ARHGAP42: variants seen among roughly 807,000 people sequenced by gnomAD.
ARHGAP42 encodes Rho GTPase activating protein 42.
Under a neutral mutation model 125.0 loss-of-function variants are expected in ARHGAP42, and 63 were observed. That is an observed-to-expected ratio of 0.50 (90% CI 0.41 to 0.62). ARHGAP42 has a LOEUF of 0.62. ARHGAP42 is among the 20% of genes least tolerant of loss of function. ARHGAP42 has a pLI of 0.00. For synonymous variants in ARHGAP42, 339 were observed against 351.0 expected (o/e 0.97, Z 0.38); for missense variants, 766 against 1,024.2 (o/e 0.75, Z 3.44).
intron 1 of ARHGAP42, among the ~76,000 whole-genome samples, chr11:100,764,025 C>CTT (rs772607133): frequency 0.04 from 4,096 of 101,436 alleles, 154 homozygotes; most frequent in African/African-American, 0.098. Flanking sequence ...TCTTCTTCTT[C>CTT]TTTTTTTTTT....
intron 22 of ARHGAP42, among the ~76,000 whole-genome samples, chr11:100,982,033 C>A (rs569748844): frequency 6.6e-6 from 1 of 152,242 alleles, no homozygotes; most frequent in Non-Finnish European, 1.5e-5. Flanking sequence ...TAAGAAACTT[C>A]TACATAGCAA....
At chr11:100,784,365 A>G (rs1426578350) in intron 2 of ARHGAP42, among the ~76,000 whole-genome samples, 4 of 152,180 alleles carry the variant, frequency 2.6e-5, no homozygotes, top group Non-Finnish European at 5.9e-5. Context: ...GGTGCCCTCT[A>G]GGAGTTTTAT....
chr11:100,980,605 T>G (rs914855535), intron 22 of ARHGAP42, among the ~76,000 whole-genome samples: 1 of 126,428 alleles, frequency 7.9e-6, no homozygotes, highest in African/African-American at 3.0e-5. Context: ...AGAGCCTCGC[T>G]CTGTCACCAG....
rs1435118099 is a variant in ARHGAP42 at position 100,933,250 on chromosome 11, A to C, written c.692A>C (p.Asn231Thr). 6.5e-7 allele frequency: 1 copy of C among 1,548,340 alleles called. No homozygotes were observed. The highest frequency in any genetic ancestry group is 2.4e-5 in the East Asian group (1 of 40,836). The change falls in exon 7 of 24, where the codon AAC (asparagine) becomes ACC (threonine). Residue 231 changes from asparagine to threonine, a missense_variant. Transcript: ENST00000298815. ...CCGTATAAGCAACAGCTGCAGTTCA[A>C]CTTGCAGAATGTAAGAGTATACCTG... ...FAPYKQQLQF[N>T]LQNTRNNFES...
intron 3 of ARHGAP42, among the ~76,000 whole-genome samples, chr11:100,811,081 C>T (rs191827201): frequency 1.3e-5 from 2 of 152,088 alleles, no homozygotes; most frequent in East Asian, 3.9e-4. Context: ...TCAGCCTCTT[C>T]AGTAGCTGGC....
At chr11:100,786,999 T>C (rs600906) in intron 2 of ARHGAP42, among the ~76,000 whole-genome samples, 76,265 of 151,828 alleles carry the variant, frequency 0.5, 19,988 homozygotes, top group South Asian at 0.63. Context: ...GCAGTTTCGC[T>C]GGGTGTGGTG....
At chr11:100,820,361 A>T (rs1224555004) in intron 3 of ARHGAP42, among the ~76,000 whole-genome samples, 1 of 152,126 alleles carries the variant, frequency 6.6e-6, no homozygotes, top group Non-Finnish European at 1.5e-5. Context: ...CCTATTTGCC[A>T]AATGATGTCA....
intron 3 of ARHGAP42, among the ~76,000 whole-genome samples, chr11:100,845,250 T>TG (rs1474095423): frequency 2.1e-4 from 32 of 152,140 alleles, no homozygotes; most frequent in Non-Finnish European, 3.5e-4. Flanking sequence ...AACCCAGGAA[T>TG]GGAAAATCAA....
intron 1 of ARHGAP42, among the ~76,000 whole-genome samples, chr11:100,699,966 T>C (rs74355723): frequency 0.084 from 12,850 of 152,208 alleles, 596 homozygotes; most frequent in Non-Finnish European, 0.097. Context: ...TCTTGGCTTG[T>C]AGATGTATCA....
intron 17 of ARHGAP42, among the ~76,000 whole-genome samples, chr11:100,967,382 T>C (rs927218576): frequency 6.6e-6 from 1 of 152,224 alleles, no homozygotes; most frequent in African/African-American, 2.4e-5. Context: ...GACTTATGTA[T>C]TCATTAGGAG....
intron 5 of ARHGAP42, among the ~76,000 whole-genome samples, chr11:100,920,279 T>C (rs76368570): frequency 0.046 from 7,011 of 152,268 alleles, 315 homozygotes; most frequent in East Asian, 0.25. Flanking sequence ...ATGATAAGTA[T>C]AGATAATTAC....
At chr11:100,714,574 C>T (rs1861621988) in intron 1 of ARHGAP42, among the ~76,000 whole-genome samples, 1 of 152,154 alleles carries the variant, frequency 6.6e-6, no homozygotes, top group African/African-American at 2.4e-5. Flanking sequence ...CATGTGACAG[C>T]CAGCCCTCTA....
intron 6 of ARHGAP42, among the ~76,000 whole-genome samples, chr11:100,931,291 A>G (rs1867576225): frequency 6.6e-6 from 1 of 152,210 alleles, no homozygotes. Flanking sequence ...AAGCCATGGC[A>G]TAGCAATTTG....
At chr11:100,945,167 A>G (rs934869498) in intron 10 of ARHGAP42, among the ~76,000 whole-genome samples, 5 of 152,118 alleles carry the variant, frequency 3.3e-5, no homozygotes, top group Admixed American at 3.3e-4. Flanking sequence ...CATCCATAAG[A>G]AGCAACTAGT....
chr11:100,863,037 C>CAA (rs71053151), intron 4 of ARHGAP42, among the ~76,000 whole-genome samples: 4,155 of 112,354 alleles, frequency 0.037, 141 homozygotes, highest in African/African-American at 0.088. Context: ...AACTCCGTCT[C>CAA]AAAAAAAAAA....
At chr11:100,850,873 CTTTTTTTTTTTTTTTTT>C (rs201814102) in intron 3 of ARHGAP42, among the ~76,000 whole-genome samples, 1 of 94,506 alleles carries the variant, frequency 1.1e-5, no homozygotes. Flanking sequence ...TAGTAGCTTT[CTTTTTTTTTTTTTTTTT>C]TTTTTTTTTG....
intron 17 of ARHGAP42, 52 bp from the exon 18 acceptor site, chr11:100,973,123 C>T (rs1018745588): frequency 7.1e-7 from 1 of 1,417,734 alleles, no homozygotes; most frequent in African/African-American, 1.5e-5. Context: ...GAGACTATTT[C>T]ATAATTTTGA....
chr11:100,784,788 G>C (rs1405640487), intron 2 of ARHGAP42, among the ~76,000 whole-genome samples: 1 of 152,174 alleles, frequency 6.6e-6, no homozygotes, highest in Non-Finnish European at 1.5e-5. Context: ...TTTCAGATCA[G>C]CTAATTTGGA....
intron 1 of ARHGAP42, among the ~76,000 whole-genome samples, chr11:100,697,092 G>GA (rs1027440799): frequency 6.6e-6 from 1 of 151,918 alleles, no homozygotes; most frequent in Admixed American, 6.6e-5. Flanking sequence ...CTTTACTCTG[G>GA]AAAAAAGTAG....
Sources: gnomAD v4.1 joint callset for allele counts (sites outside exome capture counted in the v4.1 genomes callset) on GRCh38, gnomAD v4.1.1 for gene constraint, MANE v1.5 for transcripts, NCBI Gene and HGNC (gene_info 2026-07-23, HGNC 2026-07-21) for gene names.